The following DCC variants were observed in gnomAD, a reference collection of about 807,000 sequenced individuals.
DCC encodes the protein netrin receptor DCC.
Under a neutral mutation model 172.5 loss-of-function variants are expected in DCC, and 58 were observed. The observed-to-expected ratio is 0.34, with a 90% CI of 0.27 to 0.42. The LOEUF (loss-of-function observed/expected upper bound fraction) is 0.42, where lower values mean the gene tolerates loss of function less well. Ranked by LOEUF, DCC falls within the 10% of genes least tolerant of loss-of-function variation. The pLI, the probability that DCC is intolerant of heterozygous loss-of-function variation, is 1.00. For synonymous variants in DCC, 709 were observed against 644.5 expected, an observed-to-expected ratio of 1.10 and a Z score of -1.52; for missense variants, 1,740 against 1,791.0, an observed-to-expected ratio of 0.97 and a Z score of 0.51.
intron 5 of DCC, among the ~76,000 whole-genome samples, chr18:52,970,409 G>A (rs886621410): frequency 6.6e-6 from 1 of 151,934 alleles, no homozygotes; most frequent in African/African-American, 2.4e-5. Context: ...CAGATGATAT[G>A]TATTTTTCAG....
intron 1 of DCC, among the ~76,000 whole-genome samples, chr18:52,406,282 A>G (rs1986648058): frequency 6.7e-6 from 1 of 149,410 alleles, no homozygotes; most frequent in Non-Finnish European, 1.5e-5. Flanking sequence ...CATGTCTAAA[A>G]CACCAAAAGC....
At chr18:52,992,367 T>C (rs1260646965) in intron 5 of DCC, among the ~76,000 whole-genome samples, 1 of 152,128 alleles carries the variant, frequency 6.6e-6, no homozygotes, top group Non-Finnish European at 1.5e-5. Flanking sequence ...ATAGGGTGGA[T>C]TTGTCTCATC....
At chr18:53,470,515 G>A (rs1421501035) in intron 25 of DCC, among the ~76,000 whole-genome samples, 1 of 151,988 alleles carries the variant, frequency 6.6e-6, no homozygotes, top group Non-Finnish European at 1.5e-5. Flanking sequence ...TATCTTTATA[G>A]CAGTGCCACA....
intron 1 of DCC, among the ~76,000 whole-genome samples, chr18:52,643,563 T>A (rs774699210): frequency 1.1e-4 from 16 of 152,196 alleles, no homozygotes; most frequent in Non-Finnish European, 1.6e-4. Context: ...GGTCCCAAGC[T>A]CCCAATCCCC....
At chr18:53,065,156 T>C (rs1450208200) in intron 6 of DCC, among the ~76,000 whole-genome samples, 1 of 152,304 alleles carries the variant, frequency 6.6e-6, no homozygotes, top group East Asian at 1.9e-4. Context: ...TAATTAGAAG[T>C]TAGCCAGTTT....
chr18:53,313,499 G>A (rs558962705), intron 13 of DCC, among the ~76,000 whole-genome samples: 1 of 152,212 alleles, frequency 6.6e-6, no homozygotes, highest in South Asian at 2.1e-4. Context: ...GCCTGCCTCG[G>A]CCTCCCAAAG....
At chr18:53,525,997 C>CTATT (rs2046450086) in intron 27 of DCC, among the ~76,000 whole-genome samples, 1 of 152,098 alleles carries the variant, frequency 6.6e-6, no homozygotes, top group Non-Finnish European at 1.5e-5. Flanking sequence ...GAAATATCAT[C>CTATT]TATTTGATAC....
intron 15 of DCC, among the ~76,000 whole-genome samples, chr18:53,385,502 T>C (rs980457291): frequency 2.6e-5 from 4 of 152,192 alleles, no homozygotes; most frequent in Non-Finnish European, 5.9e-5. Flanking sequence ...CAATCTTGGT[T>C]ATATCTTACA....
At chr18:52,783,351 T>C (rs1025882355) in intron 2 of DCC, among the ~76,000 whole-genome samples, 2 of 74,872 alleles carry the variant, frequency 2.7e-5, no homozygotes, top group Non-Finnish European at 6.7e-5. Context: ...TTTTTTTTTT[T>C]TTTTTTTTTT....
intron 28 of DCC, among the ~76,000 whole-genome samples, chr18:53,528,469 A>G (rs2046484225): frequency 6.6e-6 from 1 of 152,008 alleles, no homozygotes; most frequent in South Asian, 2.1e-4. Flanking sequence ...TACATGAAGT[A>G]TCTCATCTCA....
intron 1 of DCC, among the ~76,000 whole-genome samples, chr18:52,482,930 G>A (rs557939442): frequency 6.6e-6 from 1 of 152,164 alleles, no homozygotes; most frequent in African/African-American, 2.4e-5. Flanking sequence ...GATAAGCTTG[G>A]GGACTAACAA....
At chr18:53,161,141 A>G (rs1349360958) in intron 8 of DCC, among the ~76,000 whole-genome samples, 3 of 152,192 alleles carry the variant, frequency 2.0e-5, no homozygotes, top group African/African-American at 7.2e-5. Flanking sequence ...TTTCATAGGA[A>G]TATTCCTTGA....
intron 2 of DCC, among the ~76,000 whole-genome samples, chr18:52,825,522 TTATAG>T (rs2038494346): frequency 6.6e-6 from 1 of 152,152 alleles, no homozygotes; most frequent in Admixed American, 6.5e-5. Flanking sequence ...AGTTATATAA[TTATAG>T]TATATAATGG....
intron 15 of DCC, among the ~76,000 whole-genome samples, chr18:53,369,875 G>A (rs1343170055): frequency 6.6e-6 from 1 of 151,712 alleles, no homozygotes; most frequent in African/African-American, 2.4e-5. Context: ...TTTTATTGTG[G>A]ATTTTGGCAT....
chr18:52,638,374 G>C (rs149192411), intron 1 of DCC, among the ~76,000 whole-genome samples: 1 of 152,010 alleles, frequency 6.6e-6, no homozygotes, highest in Non-Finnish European at 1.5e-5. Flanking sequence ...TGGCTTAAAT[G>C]CTCCACTTAA....
At chr18:52,591,387 A>G (rs1321784952) in intron 1 of DCC, among the ~76,000 whole-genome samples, 1 of 152,098 alleles carries the variant, frequency 6.6e-6, no homozygotes, top group Non-Finnish European at 1.5e-5. Context: ...CTTTTTTTTC[A>G]CTTAAAACAT....
chr18:53,124,272 A>G (rs1568318475), intron 7 of DCC, among the ~76,000 whole-genome samples: 1 of 152,152 alleles, frequency 6.6e-6, no homozygotes, highest in Admixed American at 6.6e-5. Flanking sequence ...TAGAACAATT[A>G]AGCACAGTGT....
chr18:53,351,383 A>ACT (rs1375836693), intron 15 of DCC, among the ~76,000 whole-genome samples: 20 of 35,092 alleles, frequency 5.7e-4, no homozygotes, highest in African/African-American at 1.7e-3. Flanking sequence ...ATATATATAC[A>ACT]GTATATATAT....
chr18:52,387,670 C>A (rs1198593177), intron 1 of DCC, among the ~76,000 whole-genome samples: 1 of 144,292 alleles, frequency 6.9e-6, no homozygotes, highest in Non-Finnish European at 1.5e-5. Context: ...GATCTATGAA[C>A]AAAAACTGTC....
Sources: allele counts gnomAD v4.1 joint callset (sites outside exome capture counted in the v4.1 genomes callset), GRCh38; gene constraint gnomAD v4.1.1; transcripts MANE v1.5; gene names NCBI Gene and HGNC (gene_info 2026-07-23, HGNC 2026-07-21).